Variants in PTPRA observed in about 807,000 individuals in gnomAD.
PTPRA encodes the protein receptor-type tyrosine-protein phosphatase alpha.
PTPRA carries 25 observed loss-of-function variants against 104.8 expected under a neutral mutation model. The ratio of observed to expected loss-of-function variants is 0.24; its 90% CI spans 0.17 to 0.33. PTPRA has a LOEUF of 0.33. Ranked by LOEUF, PTPRA falls within the 10% of genes least tolerant of loss-of-function variation. The pLI is 1.00. For missense variants in PTPRA, 765 were observed against 1,015.3 expected, an observed-to-expected ratio of 0.75 and a Z score of 3.35; for synonymous variants, 323 against 368.9, an observed-to-expected ratio of 0.88 and a Z score of 1.43.
At chr20:3,033,391 C>T (rs1269478065) in intron 20 of PTPRA, among the ~76,000 whole-genome samples, 1 of 151,894 alleles carries the variant, frequency 6.6e-6, no homozygotes, top group African/African-American at 2.4e-5. Flanking sequence ...CAGGCAGAGC[C>T]TCCCCACTTT....
At chr20:2,871,366 C>G (rs1280174024), upstream of PTPRA, among the ~76,000 whole-genome samples, 1 of 152,056 alleles carries the variant, frequency 6.6e-6, no homozygotes, top group African/African-American at 2.4e-5. Context: ...ACTACCACGC[C>G]CAACAACAAT....
At position 2,965,218 on chromosome 20, in the gene PTPRA, C is replaced by T; in HGVS notation, c.415+16C>T. 3 of 1,564,746 alleles carry T rather than the reference C, an allele frequency of 1.9e-6. No homozygotes were observed. Among genetic ancestry groups the T allele is most frequent in the Non-Finnish European group, 2.6e-6 (3 of 1,145,004 alleles). ...CCTCCTTCAGGTACTAGAGATGATT[C>T]TGTTTGTTCTTTTGCTCTTTGAGTT... On this transcript the variant is annotated intron_variant, in intron 5 of 23. Coordinates refer to ENST00000399903, the MANE Select transcript of PTPRA (RefSeq NM_001385305.1).
intron 9 of PTPRA, among the ~76,000 whole-genome samples, chr20:2,997,990 G>A (rs555553460): frequency 6.8e-4 from 104 of 152,056 alleles, no homozygotes; most frequent in Non-Finnish European, 1.2e-3. Flanking sequence ...TTAGCCAGGC[G>A]TGATGGCACA....
At chr20:2,872,529 G>A (rs1284672090), upstream of PTPRA, among the ~76,000 whole-genome samples, 1 of 152,268 alleles carries the variant, frequency 6.6e-6, no homozygotes, top group Non-Finnish European at 1.5e-5. This position sits in a 1 kb window ranked among gnomAD's most constrained non-coding sequence, Gnocchi z 7.9. Context: ...GTCTCGGAAT[G>A]TCCAGGGGTC....
chr20:2,974,272 A>G (rs1254950462), intron 5 of PTPRA, among the ~76,000 whole-genome samples: 1 of 151,294 alleles, frequency 6.6e-6, no homozygotes, highest in Admixed American at 6.6e-5. Flanking sequence ...GATTTTTGAG[A>G]TGGAATCTCA....
chr20:2,996,041 A>G (rs772874316), intron 9 of PTPRA, among the ~76,000 whole-genome samples: 22 of 152,216 alleles, frequency 1.4e-4, no homozygotes, highest in Non-Finnish European at 2.5e-4. Flanking sequence ...ACCCAGTAAC[A>G]TCACCCACGT....
intron 20 of PTPRA, among the ~76,000 whole-genome samples, chr20:3,032,332 T>C (rs940991296): frequency 4.6e-5 from 7 of 152,176 alleles, no homozygotes; most frequent in African/African-American, 1.7e-4. Flanking sequence ...CCATCAGCAG[T>C]TCCCCTCTTT....
chr20:2,990,281 A>G (rs140060144), intron 9 of PTPRA, among the ~76,000 whole-genome samples: 14 of 152,278 alleles, frequency 9.2e-5, no homozygotes, highest in Admixed American at 2.6e-4. Context: ...GCTTTGCCTT[A>G]TAGGCTGGCT....
At chr20:2,988,260 G>T in intron 8 of PTPRA, 78 bp from the exon 9 acceptor site, 1 of 1,554,100 alleles carries the variant, frequency 6.4e-7, no homozygotes, top group South Asian at 1.2e-5. Context: ...GGTCCATGAG[G>T]TAGAACCCCG....
intron 6 of PTPRA, among the ~76,000 whole-genome samples, chr20:2,977,531 G>C (rs2062487996): frequency 6.6e-6 from 1 of 151,658 alleles, no homozygotes; most frequent in African/African-American, 2.4e-5. Context: ...TGTAGTCCCA[G>C]CCACTTGGGA....
intron 3 of PTPRA, among the ~76,000 whole-genome samples, chr20:2,957,528 G>A (rs1265257923): frequency 7.9e-5 from 12 of 152,220 alleles, no homozygotes; most frequent in Admixed American, 7.9e-4. Flanking sequence ...TAGAGACAAT[G>A]ATAGCTGAAG....
At chr20:2,916,846 T>C (rs2059919639) in intron 1 of PTPRA, among the ~76,000 whole-genome samples, 1 of 152,234 alleles carries the variant, frequency 6.6e-6, no homozygotes, top group African/African-American at 2.4e-5. Flanking sequence ...TGCAATAAGT[T>C]TTGAAATCAG....
chr20:2,875,404 G>T (rs983359511), intron 1 of PTPRA, among the ~76,000 whole-genome samples: 11 of 152,128 alleles, frequency 7.2e-5, no homozygotes, highest in African/African-American at 2.7e-4. Context: ...AGGCATGGTG[G>T]GATCCCGGGG....
chr20:2,941,346 T>A (rs1312988949), intron 2 of PTPRA, among the ~76,000 whole-genome samples: 1 of 152,142 alleles, frequency 6.6e-6, no homozygotes, highest in East Asian at 1.9e-4. Context: ...TCCTCTGTTA[T>A]CTGACTTACT....
In PTPRA at chr20:2,984,221, C is replaced by T. The variant is rs141352565; in HGVS notation, c.443-2544C>T. Among the ~76,000 whole-genome samples the T allele has an allele frequency of 8.4e-4, 128 of 152,194 alleles. 1 individual carries two copies. The Middle Eastern group carries it at 0.014, about 16-fold the overall frequency. ...TCTAAAAACAAAACCAAAAAAAACC[C>T]ATCTGTCCACCTCACTCACATCTCC... On this transcript the variant is annotated intron_variant, in intron 6 of 23. Coordinates refer to ENST00000399903, the MANE Select transcript of PTPRA (RefSeq NM_001385305.1).
At chr20:2,948,285 G>C (rs2061213688) in intron 3 of PTPRA, among the ~76,000 whole-genome samples, 1 of 152,144 alleles carries the variant, frequency 6.6e-6, no homozygotes, top group Non-Finnish European at 1.5e-5. Flanking sequence ...TAGCTTCTTG[G>C]AGCCTTCCAG....
At chr20:2,878,019 C>T (rs550093772) in intron 1 of PTPRA, among the ~76,000 whole-genome samples, 7 of 151,944 alleles carry the variant, frequency 4.6e-5, no homozygotes, top group African/African-American at 7.2e-5. Context: ...GGTGTGGTGG[C>T]GCGTGCCTGT....
chr20:2,969,311 A>G (rs1048059777), intron 5 of PTPRA, among the ~76,000 whole-genome samples: 2 of 151,068 alleles, frequency 1.3e-5, no homozygotes, highest in Admixed American at 6.6e-5. Flanking sequence ...GCAATGGCGC[A>G]GTCTCGGCAT....
At chr20:3,032,995 C>T (rs1470233576) in intron 20 of PTPRA, among the ~76,000 whole-genome samples, 1 of 151,780 alleles carries the variant, frequency 6.6e-6, no homozygotes, top group Non-Finnish European at 1.5e-5. Context: ...TCCGTAGCAT[C>T]ACCCCACTCA....
Sources: gnomAD v4.1 joint callset for allele counts (sites outside exome capture counted in the v4.1 genomes callset) on GRCh38, gnomAD v4.1.1 for gene constraint, Gnocchi (gnomAD v3.1) non-coding constraint, MANE v1.5 for transcripts, NCBI Gene and HGNC (gene_info 2026-07-23, HGNC 2026-07-21) for gene names.